Variants in FAR2 observed in about 807,000 individuals in gnomAD.
FAR2 encodes fatty acyl-CoA reductase 2, also known as epididymis secretory protein Li 81.
FAR2 carries 19 observed loss-of-function variants against 56.0 expected under a neutral mutation model. The observed-to-expected ratio is 0.34, with a 90% confidence interval of 0.24 to 0.50. FAR2 has a LOEUF of 0.50. Ranked by LOEUF, FAR2 falls within the 20% of genes least tolerant of loss-of-function variation. The pLI, the probability that FAR2 is intolerant of heterozygous loss-of-function variation, is 0.98. For synonymous variants in FAR2, 219 were observed against 218.8 expected, an observed-to-expected ratio of 1.00 and a Z score of -0.01; for missense variants, 508 against 642.2, an observed-to-expected ratio of 0.79 and a Z score of 2.26.
intron 1 of FAR2, among the ~76,000 whole-genome samples, chr12:29,250,267 G>T (rs894017371): frequency 2.6e-5 from 4 of 152,110 alleles, no homozygotes; most frequent in African/African-American, 7.2e-5. Flanking sequence ...AAAATAGCTG[G>T]ATCTGACCAG....
chr12:29,170,248 C>T (rs987578700), intron 1 of FAR2, among the ~76,000 whole-genome samples: 8 of 152,216 alleles, frequency 5.3e-5, no homozygotes, highest in Non-Finnish European at 1.0e-4. Flanking sequence ...TTCCCTTAAT[C>T]GCCTGGGAGG....
chr12:29,316,805 T>G (rs1333533679), intron 8 of FAR2, 36 bp from the exon 9 acceptor site: 1 of 1,605,646 alleles, frequency 6.2e-7, no homozygotes, highest in South Asian at 1.1e-5. Context: ...TATATTCTCC[T>G]TTTCTCCTCT....
chr12:29,171,514 G>A (rs971822924), intron 1 of FAR2: 2 of 151,386 alleles, frequency 1.3e-5, no homozygotes, highest in African/African-American at 2.4e-5. Flanking sequence ...GAAGTGTGGA[G>A]CGCCTCTGCC....
At chr12:29,189,291 T>C (rs182473352) in intron 1 of FAR2, among the ~76,000 whole-genome samples, 72 of 152,358 alleles carry the variant, frequency 4.7e-4, no homozygotes, top group African/African-American at 1.6e-3. Context: ...TGTGTAATAA[T>C]CCAAATACTA....
chr12:29,332,288 C>T (rs1042435972), intron 10 of FAR2, among the ~76,000 whole-genome samples: 3 of 152,144 alleles, frequency 2.0e-5, no homozygotes, highest in Non-Finnish European at 2.9e-5. Context: ...AATTACTCCT[C>T]GGTTAGCTGA....
chr12:29,176,858 A>T (rs2136593323), intron 1 of FAR2, among the ~76,000 whole-genome samples: 1 of 152,352 alleles, frequency 6.6e-6, no homozygotes, highest in Non-Finnish European at 1.5e-5. Context: ...AGGAAACTTG[A>T]GATAGATTAA....
chr12:29,270,566 C>A lies in FAR2; in HGVS notation c.117C>A (p.Val39=). 1.2e-6 allele frequency: 2 copies of A among 1,614,146 alleles called. No individual in the cohort carries two copies. The highest frequency in any genetic ancestry group is 1.7e-6 in the Non-Finnish European group (2 of 1,179,994). ...KLFRTSPDLK[V]IYILVRPKAG... ...TTCGCACCAGCCCAGACCTGAAAGT[C>A]ATTTACATCCTTGTGAGGCCCAAGG... The change falls in exon 2 of 12, where the codon GTC becomes GTA. Residue 39 remains valine (V), a synonymous_variant. Coordinates refer to ENST00000536681, the MANE Select transcript of FAR2 (RefSeq NM_001271783.2).
At chr12:29,279,312 A>AAGAG (rs1386865654) in intron 2 of FAR2, among the ~76,000 whole-genome samples, 6 of 152,212 alleles carry the variant, frequency 3.9e-5, no homozygotes, top group Non-Finnish European at 8.8e-5. Flanking sequence ...AAACAACAAA[A>AAGAG]AGAGAGAACA....
intron 2 of FAR2, among the ~76,000 whole-genome samples, chr12:29,271,526 T>G (rs1948618599): frequency 6.6e-6 from 1 of 152,240 alleles, no homozygotes; most frequent in African/African-American, 2.4e-5. Context: ...GAGTTCCTTT[T>G]TTTACAATCT....
At chr12:29,243,511 A>C (rs545771208) in intron 1 of FAR2, among the ~76,000 whole-genome samples, 1 of 152,234 alleles carries the variant, frequency 6.6e-6, no homozygotes, top group Non-Finnish European at 1.5e-5. Flanking sequence ...GCAGGTGCTC[A>C]GTAAATAATA....
chr12:29,179,795 G>A (rs1949975496), intron 1 of FAR2, among the ~76,000 whole-genome samples: 1 of 152,184 alleles, frequency 6.6e-6, no homozygotes, highest in African/African-American at 2.4e-5. Context: ...GTTGTAAGCT[G>A]TGATTCTACT....
chr12:29,299,213 C>CAAAAAAAAAAAAAAAAAAA (rs71042981), intron 4 of FAR2, among the ~76,000 whole-genome samples: 9 of 103,562 alleles, frequency 8.7e-5, no homozygotes, highest in African/African-American at 3.1e-4. Context: ...AACTTTGTCT[C>CAAAAAAAAAAAAAAAAAAA]AAAAAAAAAA....
intron 9 of FAR2, among the ~76,000 whole-genome samples, chr12:29,318,958 T>C (rs973788484): frequency 6.6e-6 from 1 of 151,592 alleles, no homozygotes; most frequent in Non-Finnish European, 1.5e-5. Flanking sequence ...CAACAGTGTA[T>C]GAAGGGTACA....
chr12:29,222,701 G>A (rs780015189), intron 1 of FAR2, among the ~76,000 whole-genome samples: 4 of 152,188 alleles, frequency 2.6e-5, no homozygotes, highest in Non-Finnish European at 5.9e-5. Flanking sequence ...GGAGGTCAAT[G>A]TCAAGGCTTA....
intron 1 of FAR2, among the ~76,000 whole-genome samples, chr12:29,269,120 C>T (rs1948569300): frequency 6.6e-6 from 1 of 152,064 alleles, no homozygotes; most frequent in African/African-American, 2.4e-5. Context: ...GCGGGAATTT[C>T]CTCTTCCTAA....
intron 1 of FAR2, among the ~76,000 whole-genome samples, chr12:29,233,982 T>G (rs1247873798): frequency 6.6e-6 from 1 of 152,206 alleles, no homozygotes; most frequent in Admixed American, 6.5e-5. Flanking sequence ...CTATTCTTAT[T>G]TCACTTAGTT....
intron 1 of FAR2, among the ~76,000 whole-genome samples, chr12:29,187,478 ACAG>A (rs1412481114): frequency 1.3e-5 from 2 of 152,114 alleles, no homozygotes; most frequent in Non-Finnish European, 2.9e-5. Flanking sequence ...GTCTTTAAAC[ACAG>A]CAAACCATAG....
At position 29,189,443 on chromosome 12, in the gene FAR2, C is replaced by T. The variant is rs568771642; in HGVS notation, c.-39+40036C>T. Among the ~76,000 whole-genome samples the T allele has an allele frequency of 3.9e-5, 6 of 152,268 alleles. 1 individual carries two copies. The highest frequency in any genetic ancestry group is 1.2e-4 in the African/African-American group (5 of 41,548). On this transcript the variant is annotated intron_variant, in intron 1 of 11. Coordinates refer to ENST00000536681, the MANE Select transcript of FAR2 (RefSeq NM_001271783.2). ...CTGCCACTACAAGATGCTGTACGCT[C>T]ACCTTGTATTTTTCCTTCCCCAGTG... is the stretch of plus-strand genomic sequence containing the variant.
intron 1 of FAR2, among the ~76,000 whole-genome samples, chr12:29,164,341 T>C (rs1256535387): frequency 6.6e-6 from 1 of 152,178 alleles, no homozygotes; most frequent in East Asian, 1.9e-4. Context: ...ATTTTGCTTG[T>C]TTCTCATGCC....
Sources: allele counts gnomAD v4.1 joint callset (sites outside exome capture counted in the v4.1 genomes callset), GRCh38; gene constraint gnomAD v4.1.1; transcripts MANE v1.5; gene names NCBI Gene and HGNC (gene_info 2026-07-23, HGNC 2026-07-21).